The following SCN1A variants were observed in gnomAD, a reference collection of about 807,000 sequenced individuals.
The protein encoded by SCN1A is sodium channel protein type 1 subunit alpha.
In SCN1A, 13 loss-of-function variants were observed where a neutral mutation model predicts 193.7. That is an observed-to-expected ratio of 0.07 (90% CI 0.04 to 0.11). SCN1A has a LOEUF of 0.11. SCN1A is among the 10% of genes least tolerant of loss of function. The pLI is 1.00. For synonymous variants in SCN1A, 781 were observed against 843.6 expected, an observed-to-expected ratio of 0.93 and a Z score of 1.29; for missense variants, 1,432 against 2,451.1, an observed-to-expected ratio of 0.58 and a Z score of 8.78.
At position 165,996,103 on chromosome 2, in the gene SCN1A, G is replaced by T; in HGVS notation, c.4491C>A (p.Asp1497Glu). The stretch of plus-strand genomic sequence containing the variant: ...TCTTCTGTTCTTCTGTCATAAAGAT[G>T]TCTTGACCTCCAAAGTATAGAAAAG... ...NQQKKKFGGQ[D>E]IFMTEEQKKY... The change falls in exon 27 of 29, where the codon GAC becomes GAA. Residue 1497 changes from aspartate to glutamate, a missense_variant. Asp to Glu is a conservative substitution (Grantham distance 45). This residue lies in a region of SCN1A where 85 missense variants were observed against 119.1 expected (regional missense o/e 0.71). Transcript: ENST00000674923. 6.2e-7 allele frequency: 1 copy of T among 1,602,668 alleles called. No homozygotes were observed. Among genetic ancestry groups the T allele is most frequent in the Non-Finnish European group, 8.5e-7 (1 of 1,171,438 alleles).
intron 2 of SCN1A, among the ~76,000 whole-genome samples, chr2:166,102,895 G>T (rs188517744): frequency 6.6e-6 from 1 of 152,276 alleles, no homozygotes; most frequent in East Asian, 1.9e-4. Context: ...CATGTCCTTT[G>T]AAGCAACATG....
In SCN1A at chr2:166,135,193, A is replaced by G. The variant is rs368620792; in HGVS notation, c.-50+13854T>C. Among the ~76,000 whole-genome samples the G allele has an allele frequency of 5.3e-5, 8 of 152,176 alleles. No individual in the cohort carries two copies. The East Asian group carries it at 9.7e-4, about 18-fold the overall frequency. ...ATTACTTATTGGAACTCGAATACCAATTTTCCACTTAAGTATATCTTTATA... is the reference window on the plus strand; with the variant it reads ...ATTACTTATTGGAACTCGAATACCAGTTTTCCACTTAAGTATATCTTTATA... On this transcript the variant is annotated intron_variant, in intron 1 of 26. Transcript: ENST00000635750.
chr2:166,012,926 G>A (rs773687811), intron 21 of SCN1A, among the ~76,000 whole-genome samples: 1 of 151,110 alleles, frequency 6.6e-6, no homozygotes, highest in Non-Finnish European at 1.5e-5. Context: ...GACTTCTAAA[G>A]TAGCGTGTAG....
rs1698762977 is a variant in SCN1A at position 166,053,020 on chromosome 2, T to C, written c.603-77A>G. 22 of 1,431,676 alleles carry C rather than the reference T, an allele frequency of 1.5e-5. No individual in the cohort carries two copies. In the South Asian group the frequency reaches 2.3e-4, roughly 15 times the overall value. The allele number at this position is 1,431,676 out of a possible 1,614,324, so 88.7% of individuals were successfully genotyped here. A position where few individuals can be genotyped will look rare whatever the true frequency, so the allele number is the denominator to read the frequency against. The stretch of plus-strand genomic sequence containing the variant: ...CTGTAGGTACAAAGAGCCTATCCTT[T>C]ACTCTAATCACTTCTTACCTGGAAT... On this transcript the variant is annotated intron_variant, in intron 7 of 28. Coordinates refer to ENST00000674923, the MANE Select transcript of SCN1A (RefSeq NM_001165963.4).
At chr2:166,015,877 A>C (rs1273791336) in intron 19 of SCN1A, 150 bp from the exon 20 acceptor site, 1 of 796,640 alleles carries the variant, frequency 1.3e-6, no homozygotes, top group Admixed American at 2.4e-5. Flanking sequence ...AAGGGGAAGA[A>C]ATAAGAAAAT....
intron 19 of SCN1A, among the ~76,000 whole-genome samples, chr2:166,018,132 TA>T (rs1559157389): frequency 6.6e-6 from 1 of 152,022 alleles, no homozygotes; most frequent in Non-Finnish European, 1.5e-5. Context: ...TATTGCATGA[TA>T]TTAAAGTATA....
In SCN1A at chr2:165,991,805, C is replaced by G; in HGVS notation, c.5470G>C (p.Glu1824Gln). 6.2e-7 allele frequency: 1 copy of G among 1,613,810 alleles called. No individual in the cohort carries two copies. The highest frequency in any genetic ancestry group is 2.2e-5 in the East Asian group (1 of 44,860). The change falls in exon 29 of 29, where the codon GAA becomes CAA. Residue 1824 changes from glutamate (E) to glutamine (Q), a missense_variant. Transcript: ENST00000674923. ...GCAAACTGAGATAATTTTTCAAATT[C>G]CATGAACTGAGTTGCATCGGGATCA... ...KFDPDATQFM[E>Q]FEKLSQFAAA...
intron 1 of SCN1A, among the ~76,000 whole-genome samples, chr2:166,141,596 C>T (rs1208166548): frequency 2.0e-5 from 3 of 152,040 alleles, no homozygotes; most frequent in Non-Finnish European, 4.4e-5. Context: ...GTTTAAGTTA[C>T]ATAATTTATC....
At chr2:166,049,590 A>G (rs918805378) in intron 9 of SCN1A, among the ~76,000 whole-genome samples, 13 of 152,014 alleles carry the variant, frequency 8.6e-5, no homozygotes, top group African/African-American at 2.7e-4. Context: ...GGTGAACACT[A>G]CATTATCTCA....
At chr2:166,086,287 C>T (rs1252152010) in intron 2 of SCN1A, among the ~76,000 whole-genome samples, 1 of 152,144 alleles carries the variant, frequency 6.6e-6, no homozygotes, top group Admixed American at 6.5e-5. Flanking sequence ...TCCATTGGTG[C>T]CTCATAAGAG....
chr2:166,119,924 G>A (rs1408240432), intron 2 of SCN1A, among the ~76,000 whole-genome samples: 1 of 151,816 alleles, frequency 6.6e-6, no homozygotes, highest in Admixed American at 6.6e-5. Flanking sequence ...GGCAACATAT[G>A]TTTATTTTGA....
At chr2:166,046,383 A>C (rs762514645) in intron 12 of SCN1A, among the ~76,000 whole-genome samples, 3 of 152,164 alleles carry the variant, frequency 2.0e-5, no homozygotes, top group Non-Finnish European at 2.9e-5. Flanking sequence ...TTAAAGAAAA[A>C]AGGAGACTAT....
chr2:166,040,029 C>T (rs978480432), intron 16 of SCN1A, among the ~76,000 whole-genome samples: 2 of 150,694 alleles, frequency 1.3e-5, no homozygotes, highest in East Asian at 3.9e-4. Flanking sequence ...CGCCATTCTC[C>T]TGCCTCAGCC....
chr2:166,097,555 A>C (rs1217171439), intron 2 of SCN1A, among the ~76,000 whole-genome samples: 2 of 152,028 alleles, frequency 1.3e-5, no homozygotes, highest in Non-Finnish European at 2.9e-5. Context: ...AAGAGATATA[A>C]AATTATATTT....
chr2:166,080,371 A>T (rs779346986), intron 2 of SCN1A, among the ~76,000 whole-genome samples: 3 of 151,870 alleles, frequency 2.0e-5, no homozygotes, highest in Non-Finnish European at 4.4e-5. Flanking sequence ...AGAAGACTTC[A>T]AAGAGAGAGG....
intron 23 of SCN1A, among the ~76,000 whole-genome samples, chr2:166,006,531 T>C (rs903717209): frequency 9.9e-5 from 15 of 151,554 alleles, no homozygotes; most frequent in African/African-American, 3.4e-4. Context: ...GATAAGACGT[T>C]TTTGTTTTAT....
At chr2:166,134,646 C>G (rs1235094537) in intron 1 of SCN1A, among the ~76,000 whole-genome samples, 1 of 152,176 alleles carries the variant, frequency 6.6e-6, no homozygotes, top group Non-Finnish European at 1.5e-5. Context: ...GGCCCAAAGA[C>G]AGCTCCAGAA....
At chr2:166,013,674 A>G (rs754142813) in intron 21 of SCN1A, 70 bp downstream of exon 21, 56 of 1,392,102 alleles carry the variant, frequency 4.0e-5, no homozygotes, top group Middle Eastern at 1.8e-4. Flanking sequence ...GAAACAAAGG[A>G]TTAATAAGTC....
At chr2:166,054,844 G>T in intron 6 of SCN1A, 78 bp from the exon 7 acceptor site, 1 of 1,314,928 alleles carries the variant, frequency 7.6e-7, no homozygotes, top group African/African-American at 1.5e-5. Context: ...CACTCCATCA[G>T]TGGAATAGAT....
Sources: allele counts gnomAD v4.1 joint callset (sites outside exome capture counted in the v4.1 genomes callset), GRCh38; gene constraint gnomAD v4.1.1; regional missense constraint gnomAD v4.1.1; transcripts MANE v1.5; gene names NCBI Gene and HGNC (gene_info 2026-07-23, HGNC 2026-07-21).